Variants in PUM3 observed in about 807,000 individuals in gnomAD.
PUM3 encodes the protein pumilio homolog 3.
In PUM3, 91 loss-of-function variants were observed where a neutral mutation model predicts 84.0. That is an observed-to-expected ratio of 1.08 (90% CI 0.91 to 1.29). PUM3 has a LOEUF of 1.29. Ranked by LOEUF, PUM3 falls within the 50% of genes most tolerant of loss-of-function variation. The pLI is 0.00. For missense variants in PUM3, 1,067 were observed against 767.5 expected (o/e 1.39, Z -4.61); for synonymous variants, 321 against 266.7 (o/e 1.20, Z -1.98).
At chr9:2,828,924 C>A (rs1474763533) in intron 8 of PUM3, 146 bp from the exon 9 acceptor site, 1 of 643,598 alleles carries the variant, frequency 1.6e-6, no homozygotes, top group East Asian at 2.8e-5. Flanking sequence ...TGCTGTATAT[C>A]CTTGTGGAGT....
At chr9:2,805,370 T>C (rs1215795006) in intron 17 of PUM3, among the ~76,000 whole-genome samples, 1 of 152,150 alleles carries the variant, frequency 6.6e-6, no homozygotes, top group Non-Finnish European at 1.5e-5. Context: ...GACCGCAGAG[T>C]ACCAGTCCTG....
intron 9 of PUM3, among the ~76,000 whole-genome samples, chr9:2,827,586 G>C (rs1392885590): frequency 6.6e-6 from 1 of 152,140 alleles, no homozygotes; most frequent in East Asian, 1.9e-4. Context: ...ATTAAAACTT[G>C]AATGAACCAA....
At chr9:2,818,157 G>A (rs1323921748) in intron 13 of PUM3, among the ~76,000 whole-genome samples, 1 of 152,196 alleles carries the variant, frequency 6.6e-6, no homozygotes, top group Non-Finnish European at 1.5e-5. Context: ...TTTTGTGGTG[G>A]ATGAGTGATG....
chr9:2,824,524 G>C (rs1815753190), intron 11 of PUM3, among the ~76,000 whole-genome samples, 193 bp downstream of exon 11: 1 of 152,184 alleles, frequency 6.6e-6, no homozygotes, highest in Non-Finnish European at 1.5e-5. Context: ...CTAAAGCAGA[G>C]GAAAGAAGAA....
chr9:2,804,252 C>G lies in PUM3; in HGVS notation c.*79G>C, dbSNP rs967641566. The stretch of plus-strand genomic sequence containing the variant: ...TACCCCAATTACCAGTATGGTGGAC[C>G]CTACCCCTTCTTTTCTGCATTGGGA... On this transcript the variant is annotated 3_prime_UTR_variant, in exon 18 of 18. Transcript: ENST00000397885. 10 of 1,435,922 alleles carry G rather than the reference C, an allele frequency of 7.0e-6. No individual in the cohort carries two copies. Among genetic ancestry groups the G allele is most frequent in the Admixed American group, 1.9e-5 (1 of 52,728 alleles). The allele number at this position is 1,435,922 out of a possible 1,614,324, so 88.9% of individuals were successfully genotyped here.
intron 16 of PUM3, among the ~76,000 whole-genome samples, chr9:2,809,496 C>T (rs1203791868): frequency 6.6e-6 from 1 of 152,154 alleles, no homozygotes; most frequent in East Asian, 1.9e-4. Flanking sequence ...CCCAGGTCCC[C>T]ATTCTTAAAG....
In PUM3 at chr9:2,807,871, C is replaced by T. The variant is rs756059507; in HGVS notation, c.1757G>A (p.Gly586Asp). The stretch of plus-strand genomic sequence containing the variant: ...AGCCCAGGACTTCAGGTTCTTCATA[C>T]CAACATGCTCTACAAGTGTTTTTGC... ...CFAKTLVEHV[G>D]MKNLKSWASV... Residue 586 changes from glycine (G) to aspartate (D), a missense_variant, in exon 17 of 18, where the codon GGT (glycine) becomes GAT (aspartate). By Grantham distance (94) the Gly-to-Asp change is moderately conservative. Transcript: ENST00000397885. 3 of 1,613,326 alleles carry T rather than the reference C, an allele frequency of 1.9e-6. No homozygotes were observed. Among genetic ancestry groups the T allele is most frequent in the South Asian group, 1.1e-5 (1 of 91,086 alleles).
At chr9:2,804,680 G>C (rs1821225461) in intron 17 of PUM3, among the ~76,000 whole-genome samples, 1 of 152,196 alleles carries the variant, frequency 6.6e-6, no homozygotes, top group Non-Finnish European at 1.5e-5. Flanking sequence ...AGTCACCCAA[G>C]CAAAGACATT....
intron 4 of PUM3, 92 bp downstream of exon 4, chr9:2,833,939 C>G: frequency 7.4e-7 from 1 of 1,352,384 alleles, no homozygotes; most frequent in Middle Eastern, 1.9e-4. Flanking sequence ...AGTGCTATGT[C>G]ATTTATTTTA....
At chr9:2,811,246 G>A in intron 15 of PUM3, 115 bp downstream of exon 15, 1 of 774,154 alleles carries the variant, frequency 1.3e-6, no homozygotes, top group Admixed American at 2.2e-5. Flanking sequence ...GTTCTTGGTT[G>A]TTTATTCAAC....
At chr9:2,834,942 G>A (rs1816080668) in intron 3 of PUM3, among the ~76,000 whole-genome samples, 1 of 150,438 alleles carries the variant, frequency 6.6e-6, no homozygotes, top group African/African-American at 2.4e-5. Context: ...TGAGTATCTG[G>A]CACAGAATCT....
chr9:2,839,902 C>G (rs1416884370), intron 1 of PUM3, among the ~76,000 whole-genome samples: 3 of 152,316 alleles, frequency 2.0e-5, no homozygotes, highest in East Asian at 3.9e-4. Flanking sequence ...CACATATACC[C>G]TTTCCCCAGC....
Position 2,818,973 on chromosome 9 carries a change from A to G in PUM3, c.1269+1045T>C, listed in dbSNP as rs1001102903. ...GTAAATTCTCTTTTTGAATCATCAT[A>G]TTCTTCTTTCTTGCAGATGTGAAAG... On this transcript the variant is annotated intron_variant, in intron 13 of 17. Transcript: ENST00000397885. Among the ~76,000 whole-genome samples, 45 of 152,324 alleles carry G rather than the reference A, an allele frequency of 3.0e-4. 1 individual carries two copies. The highest frequency in any genetic ancestry group is 9.6e-4 in the African/African-American group (40 of 41,574).
chr9:2,839,057 T>C (rs555466689), intron 1 of PUM3, among the ~76,000 whole-genome samples: 44 of 152,336 alleles, frequency 2.9e-4, no homozygotes, highest in African/African-American at 1.0e-3. Flanking sequence ...TAATCTGTGA[T>C]TGTTTTAGAC....
At position 2,823,806 on chromosome 9, in the gene PUM3, T is replaced by C. The variant is rs1337377002; in HGVS notation, c.1163A>G (p.Lys388Arg). 1 of 1,523,888 alleles carries C rather than the reference T, an allele frequency of 6.6e-7. No homozygotes were observed. The highest frequency in any genetic ancestry group is 1.2e-5 in the South Asian group (1 of 81,142). 94.4% of individuals were successfully genotyped at this position (1,523,888 alleles called of 1,614,324 possible). ...ATTAGCCACCTTTTCAACATAAGTC[T>C]TCATTGTTTTCACAATCACTTTCCT... ...KDRKVIVKTMKTYVEKVANGQ... is the reference protein window; with the variant it reads ...KDRKVIVKTMRTYVEKVANGQ... Residue 388 changes from lysine to arginine, a missense_variant, in exon 12 of 18, where the codon AAG becomes AGG. Coordinates refer to ENST00000397885, the MANE Select transcript of PUM3 (RefSeq NM_014878.5).
rs777436560 is a variant in PUM3 at position 2,830,918 on chromosome 9, CAA to C, written c.677+42_677+43del. 6 of 1,023,464 alleles carry C rather than the reference CAA, an allele frequency of 5.9e-6. No individual in the cohort carries two copies. The Admixed American group carries it at 1.3e-4, about 22-fold the overall frequency. The allele number at this position is 1,023,464 out of a possible 1,614,324, so 63.4% of individuals were successfully genotyped here. A position where few individuals can be genotyped will look rare whatever the true frequency, so the allele number is the denominator to read the frequency against. On this transcript the variant is annotated intron_variant, in intron 7 of 17. Transcript: ENST00000397885. ...TGAGCACAGTTGGAAACCATGTCTT[CAA>C]AAGACAAAGAAAAAATGTATTTTAT...
rs74404649 is a variant in PUM3, at chr9:2,820,009, A to T, written c.1269+9T>A. On this transcript the variant is annotated intron_variant, in intron 13 of 17. Coordinates refer to ENST00000397885, the MANE Select transcript of PUM3 (RefSeq NM_014878.5). ...GTAACTTAAATTCAAGACCATCAGG[A>T]TTACTTACTGATATGATTATCTGCT... 1.1e-3 allele frequency: 1,711 copies of T among 1,578,804 alleles called. 20 individuals are homozygous for T. The African/African-American group carries it at 0.021, about 19-fold the overall frequency.
At chr9:2,825,366 G>C (rs1198633274) in intron 10 of PUM3, among the ~76,000 whole-genome samples, 1 of 152,094 alleles carries the variant, frequency 6.6e-6, no homozygotes, top group Non-Finnish European at 1.5e-5. Flanking sequence ...CTAACATTTA[G>C]ACTAAGACCT....
At chr9:2,831,052 G>T (rs762315735) in intron 6 of PUM3, 24 bp from the exon 7 acceptor site, 12 of 1,233,658 alleles carry the variant, frequency 9.7e-6, no homozygotes, top group African/African-American at 1.5e-5. Flanking sequence ...ATACATTACA[G>T]TGACTTCAGA....
Sources: gnomAD v4.1 joint callset for allele counts (sites outside exome capture counted in the v4.1 genomes callset) on GRCh38, gnomAD v4.1.1 for gene constraint, MANE v1.5 for transcripts, NCBI Gene and HGNC (gene_info 2026-07-23, HGNC 2026-07-21) for gene names.